Variants in SGCZ observed in about 807,000 individuals in gnomAD.
SGCZ encodes zeta-sarcoglycan.
In SGCZ, 40 loss-of-function variants were observed where a neutral mutation model predicts 41.3. The observed-to-expected ratio is 0.97, with a 90% confidence interval of 0.75 to 1.26. The LOEUF is 1.26. Ranked by LOEUF, SGCZ falls within the 50% of genes most tolerant of loss-of-function variation. The pLI is 0.00. For missense variants in SGCZ, 552 were observed against 369.8 expected (o/e 1.49, Z -4.04); for synonymous variants, 206 against 137.5 (o/e 1.50, Z -3.49).
At chr8:14,817,184 G>T (rs985509627) in intron 1 of SGCZ, among the ~76,000 whole-genome samples, 6 of 152,174 alleles carry the variant, frequency 3.9e-5, no homozygotes, top group Admixed American at 6.5e-5. Context: ...CCTTCTGTGT[G>T]TCACAGAAGC....
intron 1 of SGCZ, among the ~76,000 whole-genome samples, chr8:14,888,611 C>T (rs61647629): frequency 0.023 from 3,554 of 152,112 alleles, 141 homozygotes; most frequent in African/African-American, 0.082. Context: ...AAATCATTAA[C>T]GTAAGATCCA....
At chr8:14,140,625 A>T (rs1009600086) in intron 5 of SGCZ, among the ~76,000 whole-genome samples, 11 of 152,164 alleles carry the variant, frequency 7.2e-5, no homozygotes, top group African/African-American at 2.4e-4. Flanking sequence ...GATGTGAAAG[A>T]CCTCTTCAAG....
chr8:14,532,632 C>A (rs6993084), intron 2 of SGCZ, among the ~76,000 whole-genome samples: 43,706 of 144,658 alleles, frequency 0.3, 6,569 homozygotes, highest in Middle Eastern at 0.51. Context: ...CTATCACCAT[C>A]TGAACTTTGA....
chr8:15,007,916 A>G (rs988749504), intron 1 of SGCZ, among the ~76,000 whole-genome samples: 1 of 152,184 alleles, frequency 6.6e-6, no homozygotes, highest in Non-Finnish European at 1.5e-5. Context: ...TAGTTCAAAT[A>G]TGTTTTTATT....
chr8:14,827,585 C>T (rs571590943), intron 1 of SGCZ, among the ~76,000 whole-genome samples: 93 of 152,190 alleles, frequency 6.1e-4, no homozygotes, highest in Non-Finnish European at 1.1e-3. Flanking sequence ...AGGAACTGCA[C>T]GGGTTGTGAA....
chr8:14,233,762 C>A (rs982236538), intron 4 of SGCZ, among the ~76,000 whole-genome samples: 1 of 151,240 alleles, frequency 6.6e-6, no homozygotes, highest in Non-Finnish European at 1.5e-5. Context: ...AAGTCAAACA[C>A]TTTTTTCACC....
chr8:15,159,881 T>G (rs182220587), intron 1 of SGCZ, among the ~76,000 whole-genome samples: 2 of 151,460 alleles, frequency 1.3e-5, no homozygotes, highest in Admixed American at 6.6e-5. Context: ...ACAAATTAAG[T>G]TGCAAATGGT....
intron 1 of SGCZ, among the ~76,000 whole-genome samples, chr8:14,646,582 G>A (rs558940469): frequency 2.0e-5 from 3 of 151,850 alleles, no homozygotes; most frequent in Non-Finnish European, 4.4e-5. Context: ...TCCGGTAATA[G>A]TTTTGCTGGA....
At chr8:14,695,909 A>G (rs1396399730) in intron 1 of SGCZ, among the ~76,000 whole-genome samples, 1 of 152,102 alleles carries the variant, frequency 6.6e-6, no homozygotes, top group Non-Finnish European at 1.5e-5. Context: ...AAGTACTTCA[A>G]ATCTGTGCAA....
intron 1 of SGCZ, among the ~76,000 whole-genome samples, chr8:15,197,929 C>G: frequency 6.7e-6 from 1 of 150,352 alleles, no homozygotes; most frequent in Admixed American, 6.7e-5. Flanking sequence ...TACACATACA[C>G]CCATATAAAC....
chr8:14,504,839 T>G (rs1802258621), intron 2 of SGCZ, among the ~76,000 whole-genome samples: 1 of 152,162 alleles, frequency 6.6e-6, no homozygotes, highest in Non-Finnish European at 1.5e-5. Context: ...AATTGAACCA[T>G]TATATTTAAA....
intron 1 of SGCZ, among the ~76,000 whole-genome samples, chr8:15,075,407 C>G (rs990313163): frequency 2.6e-5 from 4 of 152,070 alleles, no homozygotes; most frequent in African/African-American, 9.7e-5. Flanking sequence ...TAAAAGCATG[C>G]TGAACTTTAA....
chr8:15,020,163 T>C (rs1803197305), intron 1 of SGCZ, among the ~76,000 whole-genome samples: 1 of 152,178 alleles, frequency 6.6e-6, no homozygotes, highest in East Asian at 1.9e-4. Context: ...GAGAAGATCA[T>C]CTCTACTGAG....
intron 1 of SGCZ, among the ~76,000 whole-genome samples, chr8:14,940,974 C>A (rs1800255954): frequency 6.6e-6 from 1 of 150,816 alleles, no homozygotes; most frequent in Admixed American, 6.6e-5. Context: ...CTGTTGTATG[C>A]AAAAAAAAGC....
chr8:15,005,168 G>T (rs990716426), intron 1 of SGCZ, among the ~76,000 whole-genome samples: 2 of 152,056 alleles, frequency 1.3e-5, no homozygotes, highest in African/African-American at 4.8e-5. Context: ...ATAAAACGTA[G>T]TACAGTCTCT....
chr8:14,796,735 C>A (rs1433556238), intron 1 of SGCZ, among the ~76,000 whole-genome samples: 1 of 152,170 alleles, frequency 6.6e-6, no homozygotes, highest in African/African-American at 2.4e-5. Flanking sequence ...CATGTGTCCC[C>A]ATCCAAATCT....
chr8:14,416,507 C>T (rs920070768), intron 2 of SGCZ, among the ~76,000 whole-genome samples: 8 of 151,800 alleles, frequency 5.3e-5, no homozygotes, highest in African/African-American at 1.9e-4. Context: ...ATACAATTAG[C>T]AGAGTGAAGG....
chr8:14,178,015 T>C (rs965743737), intron 4 of SGCZ, among the ~76,000 whole-genome samples: 1 of 125,930 alleles, frequency 7.9e-6, no homozygotes, highest in Non-Finnish European at 1.6e-5. Flanking sequence ...TGGAGTGCAG[T>C]GGCATGATCC....
intron 5 of SGCZ, among the ~76,000 whole-genome samples, chr8:14,125,390 G>A (rs1029324280): frequency 1.3e-5 from 2 of 151,880 alleles, no homozygotes; most frequent in African/African-American, 4.8e-5. Context: ...TGTAGTCCCA[G>A]CTACTTGGGA....
Sources: gnomAD v4.1 joint callset for allele counts (sites outside exome capture counted in the v4.1 genomes callset) on GRCh38, gnomAD v4.1.1 for gene constraint, MANE v1.5 for transcripts, NCBI Gene and HGNC (gene_info 2026-07-23, HGNC 2026-07-21) for gene names.